The following TMC1 variants were observed in gnomAD, a reference collection of about 807,000 sequenced individuals.
TMC1 encodes transmembrane channel like 1.
In TMC1, 84 loss-of-function variants were observed where a neutral mutation model predicts 105.8. The observed-to-expected ratio is 0.79, with a 90% CI of 0.67 to 0.95. The LOEUF (loss-of-function observed/expected upper bound fraction) is 0.95. Among genes scored for constraint, TMC1 ranks in the 40% least tolerant of loss-of-function variants. The pLI, the probability that TMC1 is intolerant of heterozygous loss-of-function variation, is 0.00. For missense variants in TMC1, 817 were observed against 914.1 expected (o/e 0.89, Z 1.37); for synonymous variants, 315 against 311.5 (o/e 1.01, Z -0.12).
intron 1 of TMC1, among the ~76,000 whole-genome samples, chr9:72,549,272 G>C (rs1823820579): frequency 6.6e-6 from 1 of 152,060 alleles, no homozygotes; most frequent in African/African-American, 2.4e-5. Context: ...ATTTTTTTGT[G>C]TGTGTGTGAG....
At chr9:72,603,868 T>G (rs1824865778) in intron 2 of TMC1, among the ~76,000 whole-genome samples, 1 of 141,192 alleles carries the variant, frequency 7.1e-6, no homozygotes, top group Admixed American at 7.2e-5. Context: ...TTTTTTTTTT[T>G]TTTTTTTTCT....
intron 19 of TMC1, among the ~76,000 whole-genome samples, chr9:72,819,427 C>A (rs775459116): frequency 2.6e-5 from 4 of 152,166 alleles, no homozygotes; most frequent in African/African-American, 4.8e-5. Flanking sequence ...TGCTTACTTG[C>A]TCACTTTTTT....
chr9:72,767,947 C>T (rs753142941), intron 12 of TMC1, among the ~76,000 whole-genome samples: 1 of 152,134 alleles, frequency 6.6e-6, no homozygotes, highest in Non-Finnish European at 1.5e-5. Context: ...AGATGAGGAG[C>T]GTTCTCCTTC....
intron 17 of TMC1, among the ~76,000 whole-genome samples, chr9:72,804,442 C>T (rs574844094): frequency 6.8e-4 from 103 of 152,248 alleles, no homozygotes; most frequent in African/African-American, 2.4e-3. Flanking sequence ...AATATATTCA[C>T]ATAGTTATGC....
chr9:72,770,811 A>T (rs974454623), intron 12 of TMC1, among the ~76,000 whole-genome samples: 1 of 152,062 alleles, frequency 6.6e-6, no homozygotes, highest in African/African-American at 2.4e-5. Context: ...GCAGGAGGAG[A>T]TGAGATGTCC....
intron 5 of TMC1, among the ~76,000 whole-genome samples, chr9:72,655,015 A>C (rs1825863539): frequency 6.6e-6 from 1 of 152,202 alleles, no homozygotes; most frequent in Non-Finnish European, 1.5e-5. Context: ...CTTGAATTGT[A>C]ATCCCCATGA....
chr9:72,715,983 C>A (rs1826910712), intron 8 of TMC1, among the ~76,000 whole-genome samples: 1 of 152,196 alleles, frequency 6.6e-6, no homozygotes, highest in Non-Finnish European at 1.5e-5. Context: ...CTATTCCTTT[C>A]TGTTTGTTAG....
chr9:72,716,663 G>A (rs372680290), intron 8 of TMC1, among the ~76,000 whole-genome samples: 15 of 152,256 alleles, frequency 9.9e-5, no homozygotes, highest in African/African-American at 3.1e-4. Context: ...TGCTGGCAGC[G>A]AGAATTTCAA....
chr9:72,650,882 A>ATATATATT (rs1491528110), intron 5 of TMC1, among the ~76,000 whole-genome samples: 12 of 84,226 alleles, frequency 1.4e-4, no homozygotes, highest in African/African-American at 5.2e-4. Flanking sequence ...TTATATATAT[A>ATATATATT]GATATATAGA....
chr9:72,697,294 A>G (rs1192016324), intron 7 of TMC1, among the ~76,000 whole-genome samples: 1 of 152,158 alleles, frequency 6.6e-6, no homozygotes, highest in African/African-American at 2.4e-5. Flanking sequence ...TAATTTGCTT[A>G]TATCTTTGGG....
intron 12 of TMC1, among the ~76,000 whole-genome samples, chr9:72,768,144 T>TA (rs2118111960): frequency 6.6e-6 from 1 of 152,170 alleles, no homozygotes; most frequent in African/African-American, 2.4e-5. Context: ...TATGTAGCCA[T>TA]AAAAAAGGAT....
intron 5 of TMC1, among the ~76,000 whole-genome samples, chr9:72,680,135 G>A (rs1001479444): frequency 6.6e-6 from 1 of 152,174 alleles, no homozygotes; most frequent in East Asian, 1.9e-4. Context: ...TGGCTGAAGT[G>A]CTCCTGATTC....
chr9:72,816,710 T>C (rs1828793631), intron 19 of TMC1, among the ~76,000 whole-genome samples: 1 of 152,202 alleles, frequency 6.6e-6, no homozygotes, highest in African/African-American at 2.4e-5. Context: ...AGTTAAAATA[T>C]GATCTTCATT....
chr9:72,710,076 T>G (rs1239455389), intron 8 of TMC1, among the ~76,000 whole-genome samples: 2 of 152,170 alleles, frequency 1.3e-5, no homozygotes, highest in Non-Finnish European at 2.9e-5. Context: ...TTCAAAGAAT[T>G]TTTTCATTTC....
chr9:72,819,958 T>C (rs1828842129), intron 19 of TMC1, among the ~76,000 whole-genome samples: 1 of 152,244 alleles, frequency 6.6e-6, no homozygotes, highest in South Asian at 2.1e-4. Context: ...CTTATTTTGT[T>C]GAAATAATCA....
At chr9:72,706,629 C>T (rs999690230) in intron 8 of TMC1, among the ~76,000 whole-genome samples, 16 of 152,276 alleles carry the variant, frequency 1.1e-4, no homozygotes, top group East Asian at 5.8e-4. Context: ...TATGCATTTC[C>T]GTCCTCATAG....
At chr9:72,542,343 C>G (rs1219092324) in intron 1 of TMC1, among the ~76,000 whole-genome samples, 1 of 152,082 alleles carries the variant, frequency 6.6e-6, no homozygotes, top group African/African-American at 2.4e-5. Flanking sequence ...TGCCTGAAGT[C>G]CCAGCTACTT....
intron 15 of TMC1, among the ~76,000 whole-genome samples, chr9:72,790,433 C>T (rs1484431551): frequency 1.3e-5 from 2 of 151,974 alleles, no homozygotes; most frequent in Non-Finnish European, 2.9e-5. Flanking sequence ...TAGCAGAGGG[C>T]TTTTATTTAT....
chr9:72,622,262 G>A (rs1825265694), intron 3 of TMC1, among the ~76,000 whole-genome samples: 1 of 152,170 alleles, frequency 6.6e-6, no homozygotes, highest in Non-Finnish European at 1.5e-5. Flanking sequence ...ACCAAGCAAA[G>A]GAAGGTCACT....
Sources: allele counts gnomAD v4.1 joint callset (sites outside exome capture counted in the v4.1 genomes callset), GRCh38; gene constraint gnomAD v4.1.1; transcripts MANE v1.5; gene names NCBI Gene and HGNC (gene_info 2026-07-23, HGNC 2026-07-21).